TKFC: variants seen among roughly 807,000 people sequenced by gnomAD.
TKFC encodes triokinase/FMN cyclase.
Under a neutral mutation model 61.0 loss-of-function variants are expected in TKFC, and 46 were observed. The observed-to-expected ratio is 0.75, with a 90% CI of 0.60 to 0.96. TKFC has a LOEUF of 0.96. TKFC is among the 50% of genes least tolerant of loss of function. The pLI is 0.00. For missense variants in TKFC, 715 were observed against 777.5 expected, an observed-to-expected ratio of 0.92 and a Z score of 0.96; for synonymous variants, 314 against 330.1, an observed-to-expected ratio of 0.95 and a Z score of 0.53.
In TKFC at chr11:61,337,980, G is replaced by A. The variant is rs1431420826; in HGVS notation, c.43G>A (p.Asp15Asn). 3.1e-6 allele frequency: 5 copies of A among 1,610,992 alleles called. No individual in the cohort carries two copies. In the South Asian group the frequency reaches 5.5e-5, roughly 18 times the overall value. ...KLVNSVAGCA[D>N]DALAGLVACN... Reference sequence around the variant, plus strand: ...GGTGAACTCGGTGGCTGGCTGTGCTGATGACGCTCTTGCTGGCCTGGTGGC... The same window carrying A: ...GGTGAACTCGGTGGCTGGCTGTGCTAATGACGCTCTTGCTGGCCTGGTGGC... Residue 15 changes from aspartate to asparagine, a missense_variant, in exon 3 of 18, where the codon GAT (aspartate) becomes AAT (asparagine). Transcript: ENST00000394900.
rs1036911599 is a variant in TKFC at position 61,342,937 on chromosome 11, A to AT, written c.865+94dup. The AT allele has an allele frequency of 7.6e-6, 10 of 1,312,412 alleles. No individual in the cohort carries two copies. In the Admixed American group the frequency reaches 9.8e-5, roughly 13 times the overall value. The allele number at this position is 1,312,412 out of a possible 1,614,324, so 81.3% of individuals were successfully genotyped here. A position where few individuals can be genotyped will look rare whatever the true frequency, so the allele number is the denominator to read the frequency against. On this transcript the variant is annotated intron_variant, in intron 10 of 17. Coordinates refer to ENST00000394900, the MANE Select transcript of TKFC (RefSeq NM_015533.4). ...GCAGAGAACACGGACTGTGCGTCAG[A>AT]TAAGCCTGAGTTAAATCGTCTCTCT...
intron 16 of TKFC, 47 bp from the exon 17 acceptor site, chr11:61,345,810 T>C (rs764596967): frequency 6.2e-7 from 1 of 1,614,130 alleles, no homozygotes; most frequent in Non-Finnish European, 8.5e-7. Flanking sequence ...AAGAGCACCC[T>C]CGGTTGCAGG....
At chr11:61,350,769 T>TCCCC (rs1857366157), downstream of TKFC, 1 of 636,838 alleles carries the variant, frequency 1.6e-6, no homozygotes, top group African/African-American at 1.8e-5. Flanking sequence ...GGGGGGAAAT[T>TCCCC]CTGTCTCCCA....
At chr11:61,334,792 T>A (rs1351845547) in intron 2 of TKFC, 61 bp downstream of exon 2, 2 of 1,612,820 alleles carry the variant, frequency 1.2e-6, no homozygotes, top group Non-Finnish European at 1.7e-6. Flanking sequence ...ATCCCAGCCT[T>A]GGGCAAGCTA....
rs981558378 is a variant in TKFC, at chr11:61,343,932, C to G, written c.1059C>G (p.Ala353=). ...SITGRKRSRV[A]PAEPQEAPDS... is the part of the protein sequence containing the mutation. Reference sequence around the variant, plus strand: ...CTGGGCGGAAGCGGAGCCGGGTAGCCCCTGCCGAGCCCCAGGAGGCCCCTG... The same window carrying G: ...CTGGGCGGAAGCGGAGCCGGGTAGCGCCTGCCGAGCCCCAGGAGGCCCCTG... Residue 353 remains alanine (A), a synonymous_variant, in exon 12 of 18, where the codon GCC becomes GCG. Transcript: ENST00000394900. 2.5e-6 allele frequency: 4 copies of G among 1,611,358 alleles called. No individual in the cohort carries two copies. The highest frequency in any genetic ancestry group is 2.7e-5 in the African/African-American group (2 of 74,934).
rs978212334 is a variant in TKFC at position 61,341,480 on chromosome 11, C to G, written c.531C>G (p.Ile177Met). Residue 177 changes from isoleucine to methionine, a missense_variant, in exon 6 of 18, where the codon ATC becomes ATG. Transcript: ENST00000394900. ...AGGCTGGTGTGGGGCTGGAGGAGATCGCAAAGCAGGTGAACGTGGTCGCCA... is the reference window on the plus strand; with the variant it reads ...AGGCTGGTGTGGGGCTGGAGGAGATGGCAAAGCAGGTGAACGTGGTCGCCA... The part of the protein sequence containing the change: ...LAEAGVGLEE[I>M]AKQVNVVAKA... 3 of 1,555,142 alleles carry G rather than the reference C, an allele frequency of 1.9e-6. No homozygotes were observed. The highest frequency in any genetic ancestry group is 2.7e-5 in the African/African-American group (2 of 73,356).
At chr11:61,350,527 A>G, downstream of TKFC, 1 of 1,435,270 alleles carries the variant, frequency 7.0e-7, no homozygotes, top group Non-Finnish European at 9.6e-7. Flanking sequence ...GTCCCCATCC[A>G]AGCCACCAAA....
chr11:61,350,704 T>G (rs1590596076), downstream of TKFC: 7 of 590,896 alleles, frequency 1.2e-5, no homozygotes, highest in East Asian at 2.0e-4. Context: ...AGTCAAGCCC[T>G]TCCTTGGGGA....
intron 5 of TKFC, among the ~76,000 whole-genome samples, chr11:61,341,016 T>C (rs1856827725): frequency 1.3e-5 from 2 of 152,118 alleles, no homozygotes; most frequent in Non-Finnish European, 2.9e-5. Context: ...TCGCCTTTTT[T>C]CCTTTTCAGC....
chr11:61,346,116 G>A lies in TKFC; in HGVS notation c.1575+170G>A, dbSNP rs117520746. On this transcript the variant is annotated intron_variant, in intron 17 of 17. Transcript: ENST00000394900. This position sits in a 1 kb window ranked among gnomAD's most constrained non-coding sequence, Gnocchi z 4.1. ...GGTGGTTATGTGGCTAAGGAAATAT[G>A]TAGAGCCCCGCACACTGCCTGGGAT... The A allele has an allele frequency of 0.015, 16,817 of 1,151,078 alleles. 152 individuals carry two copies. The highest frequency in any genetic ancestry group is 0.018 in the Non-Finnish European group (14,972 of 832,462). 71.3% of individuals were successfully genotyped at this position (1,151,078 alleles called of 1,614,324 possible). A position where few individuals can be genotyped will look rare whatever the true frequency, so the allele number is the denominator to read the frequency against.
chr11:61,339,628 G>A (rs1017231678), intron 5 of TKFC, 193 bp downstream of exon 5: 6 of 639,474 alleles, frequency 9.4e-6, no homozygotes, highest in Non-Finnish European at 1.6e-5. Context: ...TCCCAGACTC[G>A]TCCCCTTTTC....
chr11:61,343,110 C>G, intron 10 of TKFC: 4 of 609,202 alleles, frequency 6.6e-6, no homozygotes, highest in Non-Finnish European at 1.2e-5. Flanking sequence ...CGCCCAGCAC[C>G]TGGCACGAAC....
At chr11:61,334,432 C>A (rs1490190949) in intron 1 of TKFC, 188 bp from the exon 2 acceptor site, 2 of 413,190 alleles carry the variant, frequency 4.8e-6, no homozygotes, top group African/African-American at 4.0e-5. Flanking sequence ...GATCTGTCTT[C>A]TGGCAGTGAA....
Position 61,343,350 on chromosome 11 carries a change from G to A in TKFC, c.874G>A (p.Gly292Arg), listed in dbSNP as rs142270526. The stretch of plus-strand genomic sequence containing the variant: ...ACACTCTGGTATTGCAGAGGGCCGC[G>A]GGGTGAAGATTGCCCGTGCCCTGGT... ...DATVRSLEGR[G>R]VKIARALVGT... Residue 292 changes from glycine to arginine, a missense_variant, in exon 11 of 18, where the codon GGG (glycine) becomes AGG (arginine). Physicochemically the swap from Gly to Arg is moderately radical, Grantham distance 125 (BLOSUM62 -2). Coordinates refer to ENST00000394900, the MANE Select transcript of TKFC (RefSeq NM_015533.4). 61 of 1,613,976 alleles carry A rather than the reference G, an allele frequency of 3.8e-5. No individual in the cohort carries two copies. The highest frequency in any genetic ancestry group is 1.7e-4 in the Admixed American group (10 of 60,000).
Position 61,346,213 on chromosome 11 carries a change from G to A in TKFC, c.1576-138G>A. 6.5e-7 allele frequency: 1 copy of A among 1,527,796 alleles called. No individual in the cohort carries two copies. Among genetic ancestry groups the A allele is most frequent in the Non-Finnish European group, 8.7e-7 (1 of 1,144,346 alleles). The allele number at this position is 1,527,796 out of a possible 1,614,324, so 94.6% of individuals were successfully genotyped here. On this transcript the variant is annotated intron_variant, in intron 17 of 17. Transcript: ENST00000394900. This position sits in a 1 kb window ranked among gnomAD's most constrained non-coding sequence, Gnocchi z 4.1. The stretch of plus-strand genomic sequence containing the variant: ...GATGAGAAGTGACTTTCCATTTGGT[G>A]ACAGAGCAGAGGGTGCTGGCAGAGC...
intron 2 of TKFC, among the ~76,000 whole-genome samples, 168 bp downstream of exon 2, chr11:61,334,899 TTTC>T (rs887253307): frequency 1.3e-5 from 2 of 152,130 alleles, no homozygotes; most frequent in African/African-American, 4.8e-5. Flanking sequence ...GATCCCTGCT[TTTC>T]TTTGTTTCCT....
At chr11:61,341,688 G>A in intron 6 of TKFC, 135 bp from the exon 7 acceptor site, 2 of 1,230,106 alleles carry the variant, frequency 1.6e-6, no homozygotes, top group Non-Finnish European at 2.4e-6. Flanking sequence ...TACCATGGCT[G>A]AGGTGGAGAG....
rs1857184869 is a variant in TKFC, at chr11:61,347,474, G to C, written c.*971G>C. On this transcript the variant is annotated 3_prime_UTR_variant, in exon 18 of 18. Coordinates refer to ENST00000394900, the MANE Select transcript of TKFC (RefSeq NM_015533.4). ...GGATGGCTTGGGCCCAGGAGGTCGA[G>C]GCTGCGGTGAGCCATAAGCATGCCA... The C allele has an allele frequency of 3.1e-6, 3 of 980,728 alleles. No individual in the cohort carries two copies. Among genetic ancestry groups the C allele is most frequent in the Non-Finnish European group, 3.6e-6 (3 of 826,024 alleles). 60.8% of individuals were successfully genotyped at this position (980,728 alleles called of 1,614,324 possible). A position where few individuals can be genotyped will look rare whatever the true frequency, so the allele number is the denominator to read the frequency against.
downstream of TKFC, chr11:61,350,461 A>C (rs777685243): frequency 6.2e-7 from 1 of 1,608,508 alleles, no homozygotes. Context: ...TAATGACATG[A>C]TGCAGGAGTC....
Sources: allele counts gnomAD v4.1 joint callset (sites outside exome capture counted in the v4.1 genomes callset), GRCh38; gene constraint gnomAD v4.1.1; non-coding constraint Gnocchi (gnomAD v3.1); transcripts MANE v1.5; gene names NCBI Gene and HGNC (gene_info 2026-07-23, HGNC 2026-07-21).